The following SNRPN variants were observed in gnomAD, a reference collection of about 807,000 sequenced individuals.
SNRPN encodes small nuclear ribonucleoprotein-associated protein N.
In SNRPN, 7 loss-of-function variants were observed where a neutral mutation model predicts 25.2. That is an observed-to-expected ratio of 0.28 (90% CI 0.16 to 0.52). The LOEUF (loss-of-function observed/expected upper bound fraction) is 0.52. Among genes scored for constraint, SNRPN ranks in the 20% least tolerant of loss-of-function variants. The pLI is 0.96. For missense variants in SNRPN, 196 were observed against 322.5 expected, an observed-to-expected ratio of 0.61 and a Z score of 3.00; for synonymous variants, 124 against 110.6, an observed-to-expected ratio of 1.12 and a Z score of -0.76.
intron 2 of SNRPN, chr15:24,909,115 C>T (rs1042779248): frequency 7.4e-7 from 1 of 1,352,952 alleles, no homozygotes; most frequent in African/African-American, 1.4e-5. Flanking sequence ...ACATTTCCTC[C>T]ATCATGTCTG....
Position 24,974,535 on chromosome 15 carries a change from C to G in SNRPN, c.3+79C>G, listed in dbSNP as rs1466136537. Reference sequence around the variant, plus strand: ...ATAGTTTGCCAGCATGTGCAGTGATCTTGGGTTCTGAATGTTAGAAATAAG... The same window carrying G: ...ATAGTTTGCCAGCATGTGCAGTGATGTTGGGTTCTGAATGTTAGAAATAAG... On this transcript the variant is annotated intron_variant, in intron 4 of 9. Coordinates refer to ENST00000390687, the MANE Select transcript of SNRPN (RefSeq NM_003097.6). The G allele has an allele frequency of 3.0e-6, 4 of 1,348,062 alleles. No individual in the cohort carries two copies. In the African/African-American group the frequency reaches 5.8e-5, roughly 19 times the overall value. 83.5% of individuals were successfully genotyped at this position (1,348,062 alleles called of 1,614,324 possible). A position where few individuals can be genotyped will look rare whatever the true frequency, so the allele number is the denominator to read the frequency against.
At chr15:24,878,868 C>A (rs2149406922) in intron 1 of SNRPN, among the ~76,000 whole-genome samples, 1 of 151,922 alleles carries the variant, frequency 6.6e-6, no homozygotes, top group South Asian at 2.1e-4. Flanking sequence ...TTTATATATT[C>A]TTTATTGTTT....
chr15:24,952,183 T>A (rs2062335810), upstream of SNRPN, among the ~76,000 whole-genome samples: 1 of 152,160 alleles, frequency 6.6e-6, no homozygotes, highest in Non-Finnish European at 1.5e-5. Flanking sequence ...TGTATATATA[T>A]GTTCTATAAC....
rs2153723371 is a variant in SNRPN, at chr15:24,978,448, A to G, written c.*4A>G. The G allele has an allele frequency of 6.2e-7, 1 of 1,613,200 alleles. No individual in the cohort carries two copies. Among genetic ancestry groups the G allele is most frequent in the Non-Finnish European group, 8.5e-7 (1 of 1,179,622 alleles). On this transcript the variant is annotated 3_prime_UTR_variant, in exon 10 of 10. Coordinates refer to ENST00000390687, the MANE Select transcript of SNRPN (RefSeq NM_003097.6). ...AATGCGTCCACCAAGACCTTAGCAT[A>G]CTGTTGATCCATCTCAGTCACTTTT... is the stretch of plus-strand genomic sequence containing the variant.
intron 4 of SNRPN, chr15:24,974,739 A>T: frequency 1.6e-6 from 1 of 607,690 alleles, no homozygotes; most frequent in East Asian, 2.7e-5. Flanking sequence ...CAGCCTCTTT[A>T]TTAGAAACAG....
At chr15:24,935,733 C>A (rs1030775946) in intron 3 of SNRPN, among the ~76,000 whole-genome samples, 1 of 152,070 alleles carries the variant, frequency 6.6e-6, no homozygotes, top group Admixed American at 6.6e-5. Context: ...TGAAAAGTTG[C>A]CCTAAAATAA....
chr15:24,898,092 C>A (rs1277579571), intron 2 of SNRPN, among the ~76,000 whole-genome samples: 1 of 152,088 alleles, frequency 6.6e-6, no homozygotes, highest in Admixed American at 6.5e-5. Context: ...GGCAATTACT[C>A]ATTTGGACTG....
intron 2 of SNRPN, among the ~76,000 whole-genome samples, chr15:24,904,082 G>GT (rs956038926): frequency 6.6e-6 from 1 of 151,462 alleles, no homozygotes; most frequent in Non-Finnish European, 1.5e-5. Context: ...AAAAAGATGG[G>GT]TAAAAACATA....
chr15:24,961,966 G>A (rs184644649), intron 1 of SNRPN, 148 bp from the exon 2 acceptor site: 900 of 775,366 alleles, frequency 1.2e-3, no homozygotes, highest in Non-Finnish European at 1.6e-3. Flanking sequence ...ACTGTTTGAA[G>A]GTTAAAGATC....
At chr15:24,884,004 TAA>T (rs34950476) in intron 1 of SNRPN, among the ~76,000 whole-genome samples, 252 of 127,092 alleles carry the variant, frequency 2.0e-3, no homozygotes, top group Middle Eastern at 4.7e-3. Context: ...CCACTCTGTC[TAA>T]AAAAAAAAAA....
chr15:24,950,508 A>G (rs1294885444), upstream of SNRPN, among the ~76,000 whole-genome samples: 1 of 147,176 alleles, frequency 6.8e-6, no homozygotes, highest in Non-Finnish European at 1.5e-5. Context: ...ATGAAAATGC[A>G]TATACATGTT....
intron 1 of SNRPN, among the ~76,000 whole-genome samples, chr15:24,955,842 C>A (rs891223994): frequency 1.3e-5 from 2 of 150,698 alleles, no homozygotes; most frequent in Non-Finnish European, 1.5e-5. Flanking sequence ...CGGCGGTGGG[C>A]ATGGCATGGA....
At chr15:24,828,885 G>C (rs1019395374) in intron 1 of SNRPN, among the ~76,000 whole-genome samples, 1 of 152,068 alleles carries the variant, frequency 6.6e-6, no homozygotes, top group Non-Finnish European at 1.5e-5. Flanking sequence ...TGATAGAGCA[G>C]CGTGGCCCAG....
chr15:24,879,038 T>TA (rs1415824105), intron 1 of SNRPN, among the ~76,000 whole-genome samples: 1 of 151,998 alleles, frequency 6.6e-6, no homozygotes, highest in Admixed American at 6.5e-5. Context: ...AAAATATATT[T>TA]AAAAAAGTAT....
intron 2 of SNRPN, among the ~76,000 whole-genome samples, chr15:24,841,005 C>G (rs2051646338): frequency 6.6e-6 from 1 of 152,056 alleles, no homozygotes; most frequent in Admixed American, 6.6e-5. Context: ...CCATGCCCTG[C>G]TAATTTTTAT....
chr15:24,898,069 C>A (rs576301538), intron 2 of SNRPN, among the ~76,000 whole-genome samples: 1 of 152,138 alleles, frequency 6.6e-6, no homozygotes, highest in Non-Finnish European at 1.5e-5. Context: ...TATCTAAATT[C>A]CCTCTTATCA....
At chr15:24,976,187 A>G (rs2077041234) in intron 5 of SNRPN, 118 bp from the exon 6 acceptor site, 1 of 791,916 alleles carries the variant, frequency 1.3e-6, no homozygotes, top group Non-Finnish European at 2.1e-6. Context: ...TTTTTCAGTG[A>G]TAACTCAGTA....
At chr15:24,955,766 T>C (rs1427068241) in intron 1 of SNRPN, among the ~76,000 whole-genome samples, 1 of 150,244 alleles carries the variant, frequency 6.7e-6, no homozygotes, top group African/African-American at 2.5e-5. Flanking sequence ...CAGTGGGTAT[T>C]GGCGGCGGTG....
chr15:24,919,154 G>A (rs2059884536), intron 2 of SNRPN, among the ~76,000 whole-genome samples: 1 of 151,362 alleles, frequency 6.6e-6, no homozygotes, highest in Non-Finnish European at 1.5e-5. Flanking sequence ...CAATTGCTGG[G>A]CGTGGTGGCT....
Sources: gnomAD v4.1 joint callset for allele counts (sites outside exome capture counted in the v4.1 genomes callset) on GRCh38, gnomAD v4.1.1 for gene constraint, MANE v1.5 for transcripts, NCBI Gene and HGNC (gene_info 2026-07-23, HGNC 2026-07-21) for gene names.